Variants in LOC128125814 observed in about 807,000 individuals in gnomAD.
the LOC128125814 span, among the ~76,000 whole-genome samples, chr12:57,517,980 C>T: frequency 6.6e-6 from 1 of 152,110 alleles, no homozygotes; most frequent in Admixed American, 6.5e-5. Context: ...GCGCGTGCCA[C>T]CACGCCCAGC....
the LOC128125814 span, among the ~76,000 whole-genome samples, chr12:57,518,782 C>T: frequency 4.6e-5 from 7 of 152,168 alleles, no homozygotes; most frequent in Admixed American, 1.3e-4. Flanking sequence ...CTTCAGCCTC[C>T]GGAGTAGCTG....
the LOC128125814 span, among the ~76,000 whole-genome samples, chr12:57,517,909 C>T: frequency 1.3e-5 from 2 of 151,896 alleles, no homozygotes; most frequent in African/African-American, 2.4e-5. Flanking sequence ...TCACTGCAAC[C>T]TCTGCCTCCT....
the LOC128125814 span, chr12:57,519,084 T>A: frequency 1.9e-6 from 1 of 530,262 alleles, no homozygotes; most frequent in Non-Finnish European, 3.8e-6. Flanking sequence ...AGAAACTTTC[T>A]GACTGCAGAA....
the LOC128125814 span, among the ~76,000 whole-genome samples, chr12:57,519,740 G>T: frequency 6.6e-6 from 1 of 152,352 alleles, no homozygotes; most frequent in Admixed American, 6.5e-5. Flanking sequence ...GGTTAAAGAG[G>T]CAGGGACTAA....
At chr12:57,519,052 A>G in the LOC128125814 span, 1 of 525,386 alleles carries the variant, frequency 1.9e-6, no homozygotes, top group South Asian at 1.4e-5. Context: ...AGATCAATTC[A>G]CTACCATCTC....
chr12:57,520,401 T>C, the LOC128125814 span: 1 of 398,532 alleles, frequency 2.5e-6, no homozygotes, highest in East Asian at 3.6e-5. Context: ...AAAAGGTAGA[T>C]GGGAATCAGT....
the LOC128125814 span, among the ~76,000 whole-genome samples, chr12:57,518,669 CT>C: frequency 4.6e-5 from 7 of 152,062 alleles, no homozygotes; most frequent in Admixed American, 3.9e-4. Flanking sequence ...TAACTCATTC[CT>C]TTTTTTCTGA....
the LOC128125814 span, chr12:57,520,478 C>T: frequency 2.5e-6 from 1 of 398,690 alleles, no homozygotes; most frequent in South Asian, 1.3e-4. Flanking sequence ...TCATCTTTAA[C>T]ATGATACGCT....
the LOC128125814 span, among the ~76,000 whole-genome samples, chr12:57,518,750 C>T: frequency 6.6e-6 from 1 of 152,232 alleles, no homozygotes; most frequent in Non-Finnish European, 1.5e-5. Context: ...CCTCCGCCTG[C>T]TGGGTTCAAG....
chr12:57,520,445 T>A, the LOC128125814 span: 5 of 398,540 alleles, frequency 1.3e-5, no homozygotes, highest in Non-Finnish European at 1.8e-5. Context: ...AGCTCTGATT[T>A]TGGCTCTGTC....
the LOC128125814 span, among the ~76,000 whole-genome samples, chr12:57,519,426 G>A: frequency 6.6e-6 from 1 of 152,124 alleles, no homozygotes; most frequent in Non-Finnish European, 1.5e-5. Flanking sequence ...GCCCCAAACT[G>A]TGTGGCACAC....
At chr12:57,518,260 TC>T in the LOC128125814 span, among the ~76,000 whole-genome samples, 1 of 152,356 alleles carries the variant, frequency 6.6e-6, no homozygotes, top group East Asian at 1.9e-4. Context: ...ACATTTGTAG[TC>T]CTGGTTACAT....
chr12:57,518,995 T>G, the LOC128125814 span, among the ~76,000 whole-genome samples: 1 of 152,166 alleles, frequency 6.6e-6, no homozygotes, highest in Non-Finnish European at 1.5e-5. Context: ...TTTTAAAACC[T>G]TTGCTTAGAA....
At chr12:57,517,916 T>G in the LOC128125814 span, among the ~76,000 whole-genome samples, 2 of 151,702 alleles carry the variant, frequency 1.3e-5, no homozygotes, top group South Asian at 2.1e-4. Context: ...AACCTCTGCC[T>G]CCTCGGTTCA....
the LOC128125814 span, among the ~76,000 whole-genome samples, chr12:57,518,176 G>T: frequency 6.6e-6 from 1 of 152,124 alleles, no homozygotes; most frequent in African/African-American, 2.4e-5. Context: ...GGTCTTGTGG[G>T]GTATGCATAC....
At chr12:57,520,220 TC>T in the LOC128125814 span, among the ~76,000 whole-genome samples, 3 of 152,070 alleles carry the variant, frequency 2.0e-5, no homozygotes, top group African/African-American at 7.2e-5. Context: ...GTGTTCCGGC[TC>T]CGGGCAGGGG....
the LOC128125814 span, chr12:57,520,472 C>G: frequency 1.3e-5 from 5 of 398,556 alleles, no homozygotes; most frequent in African/African-American, 4.1e-5. Context: ...ACCCGCTCAT[C>G]TTTAACATGA....
the LOC128125814 span, chr12:57,519,199 A>G: frequency 1.1e-4 from 57 of 533,104 alleles, no homozygotes; most frequent in Admixed American, 3.5e-4. Context: ...AAACCCTCCA[A>G]TGACTTCCTA....
the LOC128125814 span, among the ~76,000 whole-genome samples, chr12:57,518,923 G>A: frequency 1.3e-5 from 2 of 152,154 alleles, no homozygotes; most frequent in Non-Finnish European, 2.9e-5. Flanking sequence ...GTCTCCCAAA[G>A]TGCTGGGATT....
Sources: gnomAD v4.1 joint callset for allele counts (sites outside exome capture counted in the v4.1 genomes callset) on GRCh38, gnomAD v4.1.1 for gene constraint, MANE v1.5 for transcripts.